ROBO2: variants seen among roughly 807,000 people sequenced by gnomAD.
The protein encoded by ROBO2 is roundabout guidance receptor 2, also known as roundabout homolog 2.
Under a neutral mutation model 160.8 loss-of-function variants are expected in ROBO2, and 53 were observed. The observed-to-expected ratio is 0.33, with a 90% confidence interval of 0.26 to 0.41. ROBO2 has a LOEUF of 0.41. Among genes scored for constraint, ROBO2 ranks in the 10% least tolerant of loss-of-function variants. The pLI is 1.00. For synonymous variants in ROBO2, 664 were observed against 611.7 expected, an observed-to-expected ratio of 1.09 and a Z score of -1.26; for missense variants, 1,577 against 1,722.4, an observed-to-expected ratio of 0.92 and a Z score of 1.49.
At chr3:75,995,824 G>C (rs544348267) in intron 2 of ROBO2, among the ~76,000 whole-genome samples, 7 of 152,334 alleles carry the variant, frequency 4.6e-5, no homozygotes, top group Admixed American at 2.0e-4. Context: ...GTGTGTCCTG[G>C]AGGTGAGACT....
chr3:76,722,785 G>T (rs568547291), intron 2 of ROBO2, among the ~76,000 whole-genome samples: 63 of 152,256 alleles, frequency 4.1e-4, no homozygotes, highest in African/African-American at 1.5e-3. Flanking sequence ...GCATATATCA[G>T]TACTTCATTG....
intron 2 of ROBO2, among the ~76,000 whole-genome samples, chr3:76,204,734 T>C (rs1702717497): frequency 6.6e-6 from 1 of 152,180 alleles, no homozygotes; most frequent in South Asian, 2.1e-4. Context: ...TCCTATTGGC[T>C]ACATATCACA....
intron 2 of ROBO2, among the ~76,000 whole-genome samples, chr3:76,751,742 A>C (rs1025590766): frequency 4.6e-5 from 7 of 152,178 alleles, no homozygotes; most frequent in African/African-American, 1.7e-4. Flanking sequence ...CCACAATGAG[A>C]TACCATCTCA....
intron 2 of ROBO2, among the ~76,000 whole-genome samples, chr3:77,165,083 G>C (rs1480526994): frequency 5.3e-5 from 8 of 152,038 alleles, no homozygotes; most frequent in Admixed American, 3.9e-4. Flanking sequence ...CATTGAGAAC[G>C]GGCCAGGATG....
At chr3:76,043,144 A>G (rs1338908352) in intron 2 of ROBO2, among the ~76,000 whole-genome samples, 1 of 151,850 alleles carries the variant, frequency 6.6e-6, no homozygotes, top group East Asian at 1.9e-4. Context: ...CAAGGTATTT[A>G]AAGCATACAG....
Position 75,984,153 on chromosome 3 carries a change from A to G in ROBO2, c.109+46551A>G, listed in dbSNP as rs183063280. Reference sequence around the variant, plus strand: ...ACTTTAGTATTACTCAACAGGTCCAATGTGTTATTCAAAGATGTATACTTA... The same window carrying G: ...ACTTTAGTATTACTCAACAGGTCCAGTGTGTTATTCAAAGATGTATACTTA... On this transcript the variant is annotated intron_variant, in intron 2 of 26. Coordinates refer to the ROBO2 transcript ENST00000487694. Among the ~76,000 whole-genome samples, 323 of 151,630 alleles carry G rather than the reference A, an allele frequency of 2.1e-3. 3 individuals carry two copies. Among genetic ancestry groups the G allele is most frequent in the Non-Finnish European group, 1.3e-3 (86 of 67,596 alleles).
chr3:77,365,009 G>T (rs1003369409), intron 2 of ROBO2, among the ~76,000 whole-genome samples: 1 of 151,976 alleles, frequency 6.6e-6, no homozygotes, highest in Non-Finnish European at 1.5e-5. Flanking sequence ...GCAAGGCATG[G>T]TGGTGCATGC....
intron 2 of ROBO2, among the ~76,000 whole-genome samples, chr3:76,436,191 T>C (rs1231914255): frequency 2.8e-5 from 1 of 35,588 alleles, no homozygotes; most frequent in Non-Finnish European, 5.2e-5. Context: ...CCATTTCTTT[T>C]TCTTTTTTTT....
At chr3:76,973,023 A>C (rs1480402389) in intron 2 of ROBO2, among the ~76,000 whole-genome samples, 1 of 152,160 alleles carries the variant, frequency 6.6e-6, no homozygotes, top group Non-Finnish European at 1.5e-5. Context: ...TATATATCAA[A>C]GCTGTGTTTG....
chr3:76,956,296 G>A (rs1009920297), intron 2 of ROBO2, among the ~76,000 whole-genome samples: 2 of 152,078 alleles, frequency 1.3e-5, no homozygotes, highest in Non-Finnish European at 2.9e-5. Context: ...GGTGGCTCAC[G>A]CCTGTAATCC....
In ROBO2 at chr3:77,228,413, A is replaced by AC. The variant is rs1340520466; in HGVS notation, c.388+130073_388+130074insC. On this transcript the variant is annotated intron_variant, in intron 2 of 25. Transcript: ENST00000461745. ...CAAACAGATATTGTATTACATGCAC[A>AC]AACACACACACACACACACACACCC... 2.7e-5 allele frequency among the ~76,000 whole-genome samples: 4 copies of AC among 149,576 alleles called. No homozygotes were observed. In the East Asian group the frequency reaches 8.7e-4, roughly 32 times the overall value.
chr3:77,365,683 C>T (rs1435662744), intron 2 of ROBO2, among the ~76,000 whole-genome samples: 1 of 152,112 alleles, frequency 6.6e-6, no homozygotes, highest in Non-Finnish European at 1.5e-5. Context: ...CTTGGCAAAC[C>T]GTTCACATAG....
intron 2 of ROBO2, among the ~76,000 whole-genome samples, chr3:77,251,953 T>C (rs753924782): frequency 2.0e-5 from 3 of 152,206 alleles, no homozygotes; most frequent in Non-Finnish European, 4.4e-5. Context: ...CAGACTTTTT[T>C]ATTATTTACA....
At chr3:76,764,307 T>TA (rs1198894682) in intron 2 of ROBO2, among the ~76,000 whole-genome samples, 29 of 151,746 alleles carry the variant, frequency 1.9e-4, no homozygotes, top group Non-Finnish European at 3.8e-4. Flanking sequence ...GTAAGCATTG[T>TA]ATTGAGCATC....
In ROBO2 at chr3:76,362,660, C is replaced by T. The variant is rs150648897; in HGVS notation, c.109+425058C>T. ...CTACATCGAAAATTTGCAGATGTTA[C>T]CCAAGAGGCACAGGGCAAAGAAACT... On this transcript the variant is annotated intron_variant, in intron 2 of 26. Coordinates refer to the ROBO2 transcript ENST00000487694. 1.2e-3 allele frequency among the ~76,000 whole-genome samples: 183 copies of T among 152,132 alleles called. 3 individuals are homozygous for T. The Middle Eastern group carries it at 0.027, about 23-fold the overall frequency.
At chr3:76,709,979 G>C (rs1221036814) in intron 2 of ROBO2, among the ~76,000 whole-genome samples, 2 of 152,106 alleles carry the variant, frequency 1.3e-5, no homozygotes, top group Non-Finnish European at 2.9e-5. Flanking sequence ...CACAACTTTA[G>C]AGGTAGGATT....
At chr3:76,535,311 G>T (rs942575825) in intron 2 of ROBO2, among the ~76,000 whole-genome samples, 1 of 152,016 alleles carries the variant, frequency 6.6e-6, no homozygotes, top group Non-Finnish European at 1.5e-5. Context: ...GATGTGAGGA[G>T]AATTTGTAGG....
At chr3:77,576,675 C>T (rs527281941) in intron 14 of ROBO2, among the ~76,000 whole-genome samples, 97 of 152,176 alleles carry the variant, frequency 6.4e-4, no homozygotes, top group Non-Finnish European at 1.2e-3. Flanking sequence ...ATAGGAGAAA[C>T]TATAAAGGCA....
intron 2 of ROBO2, among the ~76,000 whole-genome samples, chr3:76,548,884 C>G (rs190175105): frequency 1.3e-5 from 2 of 152,088 alleles, no homozygotes; most frequent in African/African-American, 2.4e-5. Context: ...ACACTGCCCC[C>G]ACTCCAGCTC....
Sources: allele counts gnomAD v4.1 joint callset (sites outside exome capture counted in the v4.1 genomes callset), GRCh38; gene constraint gnomAD v4.1.1; transcripts MANE v1.5; gene names NCBI Gene and HGNC (gene_info 2026-07-23, HGNC 2026-07-21).